CNTLN: variants seen among roughly 807,000 people sequenced by gnomAD.
CNTLN encodes the protein centlein.
In CNTLN, 212 loss-of-function variants were observed where a neutral mutation model predicts 180.0. That is an observed-to-expected ratio of 1.18 (90% CI 1.05 to 1.32). CNTLN has a LOEUF of 1.32. Among genes scored for constraint, CNTLN ranks in the 40% most tolerant of loss-of-function variants. The probability of loss-of-function intolerance (pLI) is 0.00; values close to 1 mark genes in which losing one functional copy is unlikely to be tolerated. For synonymous variants in CNTLN, 722 were observed against 563.1 expected, an observed-to-expected ratio of 1.28 and a Z score of -3.99; for missense variants, 2,095 against 1,610.9, an observed-to-expected ratio of 1.30 and a Z score of -5.14.
the CNTLN span, among the ~76,000 whole-genome samples, chr9:17,515,413 A>G: frequency 1.4e-4 from 22 of 152,228 alleles, no homozygotes; most frequent in East Asian, 4.3e-3. Context: ...ACAATCTATA[A>G]GCTGTCAACT....
chr9:17,448,968 A>G (rs78181030), intron 18 of CNTLN, among the ~76,000 whole-genome samples: 5,447 of 152,278 alleles, frequency 0.036, 159 homozygotes, highest in East Asian at 0.17. Flanking sequence ...TAGGACATCA[A>G]ATAGCGCTAC....
At chr9:17,325,554 A>G (rs906388752) in intron 8 of CNTLN, among the ~76,000 whole-genome samples, 2 of 64,222 alleles carry the variant, frequency 3.1e-5, no homozygotes, top group Non-Finnish European at 3.6e-5. Flanking sequence ...AACAGATTTT[A>G]TTACACACAC....
chr9:17,261,751 A>T (rs760788423), intron 5 of CNTLN, among the ~76,000 whole-genome samples: 4 of 151,478 alleles, frequency 2.6e-5, no homozygotes, highest in African/African-American at 4.9e-5. Flanking sequence ...ATTAAACTAA[A>T]GAGGTTCTGC....
At chr9:17,368,442 C>A (rs1824016070) in intron 13 of CNTLN, among the ~76,000 whole-genome samples, 1 of 152,180 alleles carries the variant, frequency 6.6e-6, no homozygotes, top group Admixed American at 6.5e-5. Flanking sequence ...AAGGGAATGA[C>A]ACAAGTCTGA....
chr9:17,423,167 C>T (rs1204931806), intron 18 of CNTLN, among the ~76,000 whole-genome samples: 1 of 152,108 alleles, frequency 6.6e-6, no homozygotes, highest in African/African-American at 2.4e-5. Context: ...CTAGGTCACT[C>T]CTGAAGCTAG....
At chr9:17,424,615 G>C (rs1434702410) in intron 18 of CNTLN, among the ~76,000 whole-genome samples, 1 of 152,208 alleles carries the variant, frequency 6.6e-6, no homozygotes, top group East Asian at 1.9e-4. Context: ...TCAGCTGACA[G>C]ATTTTGCTGT....
At chr9:17,417,489 T>C (rs1293114621) in intron 18 of CNTLN, among the ~76,000 whole-genome samples, 1 of 152,080 alleles carries the variant, frequency 6.6e-6, no homozygotes, top group Non-Finnish European at 1.5e-5. Flanking sequence ...AATTGTTCAA[T>C]CTTATTATAC....
intron 2 of CNTLN, among the ~76,000 whole-genome samples, chr9:17,144,182 A>C (rs1456351388): frequency 6.6e-6 from 1 of 152,158 alleles, no homozygotes; most frequent in African/African-American, 2.4e-5. Context: ...GCGTTGTCTG[A>C]GATTTGACTT....
At chr9:17,154,478 C>T (rs901354740) in intron 2 of CNTLN, among the ~76,000 whole-genome samples, 1 of 152,230 alleles carries the variant, frequency 6.6e-6, no homozygotes, top group African/African-American at 2.4e-5. Context: ...GGCTGCAGAG[C>T]AGCAAAGATT....
intron 18 of CNTLN, among the ~76,000 whole-genome samples, chr9:17,434,243 T>G (rs1247087979): frequency 6.6e-6 from 1 of 152,012 alleles, no homozygotes; most frequent in Non-Finnish European, 1.5e-5. Context: ...TTTTATTTAT[T>G]TCTGCTCTTA....
At chr9:17,192,862 G>A (rs1821875910) in intron 2 of CNTLN, among the ~76,000 whole-genome samples, 1 of 152,022 alleles carries the variant, frequency 6.6e-6, no homozygotes, top group Non-Finnish European at 1.5e-5. Context: ...TTGTTTTCAC[G>A]CTGCTGATAA....
intron 6 of CNTLN, among the ~76,000 whole-genome samples, chr9:17,276,349 A>T (rs774633300): frequency 6.6e-6 from 1 of 152,148 alleles, no homozygotes; most frequent in South Asian, 2.1e-4. Context: ...GAGGGTGGTT[A>T]TGATATACCA....
chr9:17,246,457 C>T (rs569724614), intron 5 of CNTLN, among the ~76,000 whole-genome samples: 1 of 152,226 alleles, frequency 6.6e-6, no homozygotes, highest in South Asian at 2.1e-4. Flanking sequence ...CACAAGCACC[C>T]CTGTGACCAC....
chr9:17,298,187 C>T lies in CNTLN; in HGVS notation c.984-3C>T, dbSNP rs746460015. ...TTCTCTATTTATTGCTTGCTTTGCA[C>T]AGGAAGGAACTGCAGGAGCTGCAGA... is the stretch of plus-strand genomic sequence containing the variant. On this transcript the variant is annotated splice_region_variant and splice_polypyrimidine_tract_variant and intron_variant, in intron 6 of 25. Coordinates refer to ENST00000380647, the MANE Select transcript of CNTLN (RefSeq NM_017738.4). 4.8e-6 allele frequency: 7 copies of T among 1,463,038 alleles called. No individual in the cohort carries two copies. Among genetic ancestry groups the T allele is most frequent in the Non-Finnish European group, 6.3e-6 (7 of 1,103,632 alleles). 90.6% of individuals were successfully genotyped at this position (1,463,038 alleles called of 1,614,324 possible).
intron 2 of CNTLN, among the ~76,000 whole-genome samples, chr9:17,145,130 C>T (rs148312043): frequency 0.043 from 6,532 of 152,244 alleles, 223 homozygotes; most frequent in East Asian, 0.17. Flanking sequence ...CGTGAGCCAC[C>T]GCACCCGGCC....
At chr9:17,214,922 C>A (rs1000719188) in intron 2 of CNTLN, among the ~76,000 whole-genome samples, 2 of 152,188 alleles carry the variant, frequency 1.3e-5, no homozygotes, top group African/African-American at 4.8e-5. Flanking sequence ...TTAAGGACTT[C>A]TGTACACTGG....
chr9:17,365,392 C>T (rs1823731850), intron 12 of CNTLN, among the ~76,000 whole-genome samples: 1 of 152,118 alleles, frequency 6.6e-6, no homozygotes, highest in Non-Finnish European at 1.5e-5. Flanking sequence ...GTCAATTGAA[C>T]CTCTTTTCTT....
intron 7 of CNTLN, among the ~76,000 whole-genome samples, chr9:17,302,489 G>T (rs1007671263): frequency 6.6e-6 from 1 of 152,088 alleles, no homozygotes; most frequent in African/African-American, 2.4e-5. Context: ...GTGAGCCACT[G>T]TGCCTGGCCC....
At chr9:17,193,223 C>T (rs1406063065) in intron 2 of CNTLN, among the ~76,000 whole-genome samples, 1 of 152,106 alleles carries the variant, frequency 6.6e-6, no homozygotes, top group Non-Finnish European at 1.5e-5. Context: ...CATGTCATGT[C>T]CTCACATTTC....
Sources: allele counts gnomAD v4.1 joint callset (sites outside exome capture counted in the v4.1 genomes callset), GRCh38; gene constraint gnomAD v4.1.1; transcripts MANE v1.5; gene names NCBI Gene and HGNC (gene_info 2026-07-23, HGNC 2026-07-21).